Variants in EXOC6B observed in about 807,000 individuals in gnomAD.
EXOC6B encodes the protein SEC15 homolog B.
Under a neutral mutation model 113.5 loss-of-function variants are expected in EXOC6B, and 54 were observed. The ratio of observed to expected loss-of-function variants is 0.48; its 90% CI spans 0.38 to 0.60. The LOEUF (loss-of-function observed/expected upper bound fraction) is 0.60. Among genes scored for constraint, EXOC6B ranks in the 20% least tolerant of loss-of-function variants. The probability of loss-of-function intolerance (pLI) is 0.00; values close to 1 mark genes in which losing one functional copy is unlikely to be tolerated. For missense variants in EXOC6B, 797 were observed against 977.5 expected (o/e 0.82, Z 2.46); for synonymous variants, 357 against 339.0 (o/e 1.05, Z -0.58).
intron 20 of EXOC6B, among the ~76,000 whole-genome samples, chr2:72,194,965 C>T (rs1266712634): frequency 2.0e-5 from 3 of 152,124 alleles, no homozygotes; most frequent in Non-Finnish European, 4.4e-5. Flanking sequence ...TGTGCAGCTC[C>T]CTGCTTTCCC....
At chr2:72,688,882 G>A (rs1186973592) in intron 6 of EXOC6B, among the ~76,000 whole-genome samples, 2 of 152,110 alleles carry the variant, frequency 1.3e-5, no homozygotes, top group African/African-American at 4.8e-5. Flanking sequence ...AATTATCTAT[G>A]CACAACTGTA....
intron 20 of EXOC6B, among the ~76,000 whole-genome samples, chr2:72,298,704 G>T (rs1686307522): frequency 6.6e-6 from 1 of 152,134 alleles, no homozygotes; most frequent in African/African-American, 2.4e-5. Flanking sequence ...CTCAGCATTT[G>T]CTTGTCTGTA....
At chr2:72,710,541 G>T (rs1052538587) in intron 6 of EXOC6B, among the ~76,000 whole-genome samples, 11 of 152,170 alleles carry the variant, frequency 7.2e-5, no homozygotes, top group Non-Finnish European at 1.5e-4. Flanking sequence ...AAAGAGAAAA[G>T]AAAGTAAATC....
chr2:72,568,470 T>C (rs1420149078), intron 7 of EXOC6B, among the ~76,000 whole-genome samples: 1 of 152,022 alleles, frequency 6.6e-6, no homozygotes, highest in Non-Finnish European at 1.5e-5. Flanking sequence ...GTTCCAAATA[T>C]TATGAATGAT....
intron 20 of EXOC6B, among the ~76,000 whole-genome samples, chr2:72,217,369 C>G (rs773794174): frequency 6.6e-6 from 1 of 152,022 alleles, no homozygotes; most frequent in Non-Finnish European, 1.5e-5. Flanking sequence ...GCACAGATAC[C>G]CAAGTCAGAC....
intron 17 of EXOC6B, among the ~76,000 whole-genome samples, chr2:72,477,983 CT>C (rs1698851337): frequency 6.6e-6 from 1 of 152,106 alleles, no homozygotes; most frequent in Non-Finnish European, 1.5e-5. Context: ...AGGAGACTCA[CT>C]TTTTTGTTCA....
chr2:72,496,404 T>C, intron 14 of EXOC6B, 50 bp downstream of exon 14: 1 of 1,147,556 alleles, frequency 8.7e-7, no homozygotes, highest in Non-Finnish European at 1.3e-6. Context: ...TGAAAGCTTT[T>C]AAGAGGATGC....
intron 6 of EXOC6B, among the ~76,000 whole-genome samples, chr2:72,712,442 C>G (rs1679338572): frequency 6.6e-6 from 1 of 152,174 alleles, no homozygotes; most frequent in African/African-American, 2.4e-5. Context: ...GCTGTGGTCT[C>G]TCTCACCTGG....
intron 20 of EXOC6B, among the ~76,000 whole-genome samples, chr2:72,294,950 T>C (rs537308823): frequency 5.9e-5 from 9 of 152,214 alleles, no homozygotes; most frequent in Admixed American, 4.6e-4. Context: ...AAAATTACTC[T>C]GGCTGGGTGG....
intron 20 of EXOC6B, among the ~76,000 whole-genome samples, chr2:72,306,977 C>G (rs1427872363): frequency 6.6e-6 from 1 of 152,062 alleles, no homozygotes; most frequent in Non-Finnish European, 1.5e-5. Context: ...GGATCAGGAC[C>G]ATAATAATTT....
At chr2:72,461,100 T>C (rs1697627748) in intron 18 of EXOC6B, among the ~76,000 whole-genome samples, 1 of 150,860 alleles carries the variant, frequency 6.6e-6, no homozygotes, top group African/African-American at 2.4e-5. Context: ...CAGTAAACTA[T>C]GGCAAGGACA....
chr2:72,785,295 T>C (rs1280776095), intron 1 of EXOC6B, among the ~76,000 whole-genome samples: 1 of 152,232 alleles, frequency 6.6e-6, no homozygotes, highest in Non-Finnish European at 1.5e-5. Context: ...CAGTGCAAGC[T>C]GTCAGTGGAT....
chr2:72,793,690 G>A (rs143335951), intron 1 of EXOC6B, among the ~76,000 whole-genome samples: 49 of 152,304 alleles, frequency 3.2e-4, no homozygotes, highest in Admixed American at 9.2e-4. Context: ...ACAGGTTAGC[G>A]AGGTACATAG....
chr2:72,751,732 G>A (rs913337278), intron 1 of EXOC6B, among the ~76,000 whole-genome samples: 9 of 151,940 alleles, frequency 5.9e-5, no homozygotes, highest in East Asian at 1.9e-4. Flanking sequence ...GACGAAAGAC[G>A]GAAAACACTA....
At chr2:72,304,570 T>C (rs1308965623) in intron 20 of EXOC6B, among the ~76,000 whole-genome samples, 1 of 152,238 alleles carries the variant, frequency 6.6e-6, no homozygotes, top group African/African-American at 2.4e-5. Context: ...AAGGTATGTA[T>C]GTTTTCATTT....
intron 18 of EXOC6B, among the ~76,000 whole-genome samples, chr2:72,404,156 T>C (rs1304252654): frequency 6.6e-6 from 1 of 152,018 alleles, no homozygotes; most frequent in East Asian, 1.9e-4. Context: ...GCGGGGAGGC[T>C]GGGGGAGGGG....
intron 20 of EXOC6B, among the ~76,000 whole-genome samples, chr2:72,189,585 G>C (rs1410187852): frequency 1.3e-5 from 2 of 152,118 alleles, no homozygotes; most frequent in Non-Finnish European, 2.9e-5. Flanking sequence ...TATGACGGTT[G>C]AAAACTGCTG....
At chr2:72,283,237 T>C (rs1205319510) in intron 20 of EXOC6B, among the ~76,000 whole-genome samples, 2 of 152,076 alleles carry the variant, frequency 1.3e-5, no homozygotes. Context: ...TAGAAATCAA[T>C]ATAAAAAGAC....
chr2:72,285,195 TG>T (rs1259820122), intron 20 of EXOC6B, among the ~76,000 whole-genome samples: 3 of 152,066 alleles, frequency 2.0e-5, no homozygotes, highest in African/African-American at 7.2e-5. Context: ...AGTCAGACTT[TG>T]TTCACTCTCA....
Sources: gnomAD v4.1 joint callset for allele counts (sites outside exome capture counted in the v4.1 genomes callset) on GRCh38, gnomAD v4.1.1 for gene constraint, MANE v1.5 for transcripts, NCBI Gene and HGNC (gene_info 2026-07-23, HGNC 2026-07-21) for gene names.